ERBB4: variants seen among roughly 807,000 people sequenced by gnomAD.
ERBB4 encodes receptor tyrosine-protein kinase erbB-4.
Under a neutral mutation model 158.0 loss-of-function variants are expected in ERBB4, and 42 were observed. That is an observed-to-expected ratio of 0.27 (90% CI 0.21 to 0.34). The LOEUF is 0.34. Among genes scored for constraint, ERBB4 ranks in the 10% least tolerant of loss-of-function variants. ERBB4 has a pLI of 1.00. For missense variants in ERBB4, 1,333 were observed against 1,624.1 expected (o/e 0.82, Z 3.08); for synonymous variants, 583 against 558.7 (o/e 1.04, Z -0.61).
intron 25 of ERBB4, among the ~76,000 whole-genome samples, chr2:211,416,333 GA>G (rs892771627): frequency 3.3e-5 from 5 of 151,498 alleles, no homozygotes; most frequent in Non-Finnish European, 7.4e-5. Flanking sequence ...AAAAAAGAAA[GA>G]AAAAAAACCT....
At chr2:212,171,360 A>G (rs1453254438) in intron 1 of ERBB4, among the ~76,000 whole-genome samples, 1 of 151,898 alleles carries the variant, frequency 6.6e-6, no homozygotes, top group South Asian at 2.1e-4. Context: ...TTATAGGCAG[A>G]GTACTTGCCT....
intron 2 of ERBB4, among the ~76,000 whole-genome samples, chr2:212,051,949 T>A (rs1319985596): frequency 1.3e-5 from 2 of 152,152 alleles, no homozygotes; most frequent in East Asian, 3.9e-4. Flanking sequence ...ATTTGTGGCC[T>A]CAGTTTTTGT....
intron 3 of ERBB4, among the ~76,000 whole-genome samples, chr2:211,822,945 G>A (rs927360631): frequency 1.3e-4 from 20 of 152,024 alleles, no homozygotes; most frequent in East Asian, 3.9e-4. Flanking sequence ...AATAGGCATC[G>A]TGGATTTCTG....
chr2:211,911,094 C>T (rs1316593556), intron 3 of ERBB4, among the ~76,000 whole-genome samples: 5 of 152,080 alleles, frequency 3.3e-5, no homozygotes, highest in Admixed American at 2.6e-4. Flanking sequence ...AAATGAACTC[C>T]TTTATTTATT....
chr2:211,786,870 G>C (rs990724243), intron 4 of ERBB4, among the ~76,000 whole-genome samples: 6 of 152,124 alleles, frequency 3.9e-5, no homozygotes, highest in East Asian at 1.9e-4. Flanking sequence ...AATGTGAAAA[G>C]ATTCCATTTT....
chr2:212,213,832 C>T (rs1283472881), intron 1 of ERBB4, among the ~76,000 whole-genome samples: 2 of 151,756 alleles, frequency 1.3e-5, no homozygotes, highest in Non-Finnish European at 2.9e-5. Flanking sequence ...TAGGTTGTAG[C>T]TGTATTCTTT....
chr2:212,159,978 C>T (rs942723659), intron 1 of ERBB4, among the ~76,000 whole-genome samples: 1 of 151,974 alleles, frequency 6.6e-6, no homozygotes, highest in African/African-American at 2.4e-5. Context: ...AAAAACTTAA[C>T]TTGGCCTCCT....
chr2:211,785,093 CT>C (rs1553633108), intron 4 of ERBB4, among the ~76,000 whole-genome samples: 3,699 of 132,742 alleles, frequency 0.028, 48 homozygotes, highest in African/African-American at 0.042. Context: ...GATGCACAGC[CT>C]TTTTTTTTTT....
intron 2 of ERBB4, among the ~76,000 whole-genome samples, chr2:212,106,582 G>A (rs1219584200): frequency 6.6e-6 from 1 of 152,206 alleles, no homozygotes. Flanking sequence ...AGAAATCCAA[G>A]CCAGCTGCAA....
In ERBB4 at chr2:211,383,160, A is replaced by G. The variant is rs1269025440; in HGVS notation, c.*455T>C. ...CTTTTGTTCTAATGGAAACTTTATT[A>G]TGATTTCCAGGGATGCTAAATATGC... On this transcript the variant is annotated 3_prime_UTR_variant, in exon 28 of 28. Coordinates refer to ENST00000342788, the MANE Select transcript of ERBB4 (RefSeq NM_005235.3). 8.5e-6 allele frequency: 2 copies of G among 236,026 alleles called. No individual in the cohort carries two copies. Among genetic ancestry groups the G allele is most frequent in the Non-Finnish European group, 1.7e-5 (2 of 120,198 alleles). The allele number at this position is 236,026 out of a possible 1,614,324, so 14.6% of individuals were successfully genotyped here. A position where few individuals can be genotyped will look rare whatever the true frequency, so the allele number is the denominator to read the frequency against.
At chr2:211,597,577 C>T (rs1024980498) in intron 19 of ERBB4, among the ~76,000 whole-genome samples, 1 of 152,032 alleles carries the variant, frequency 6.6e-6, no homozygotes, top group Admixed American at 6.5e-5. Context: ...TCAAAGGAAG[C>T]TTATTATGGA....
intron 18 of ERBB4, among the ~76,000 whole-genome samples, chr2:211,623,019 ATATATATATATATATATAT>A (rs1185986979): frequency 2.1e-5 from 2 of 96,396 alleles, no homozygotes; most frequent in African/African-American, 9.9e-5. Flanking sequence ...ATATATATAT[ATATATATATATATATATAT>A]ATATATAAAA....
chr2:211,725,713 G>A (rs759538292), intron 5 of ERBB4, among the ~76,000 whole-genome samples: 12 of 152,116 alleles, frequency 7.9e-5, no homozygotes, highest in Non-Finnish European at 1.6e-4. Flanking sequence ...TGCATAGTAA[G>A]GTCCTAGTAG....
intron 20 of ERBB4, among the ~76,000 whole-genome samples, chr2:211,551,101 C>T (rs2067083859): frequency 6.6e-6 from 1 of 152,144 alleles, no homozygotes; most frequent in African/African-American, 2.4e-5. Flanking sequence ...ACTGTATCTC[C>T]ATGAAATAAT....
chr2:211,769,719 T>A lies in ERBB4; in HGVS notation c.556+18306A>T, dbSNP rs570653731. Reference sequence around the variant, plus strand: ...AAACCACTGGTGTTAAGTCCAAGAGTCCAAAAGCTGAAGAACTTGGAGTCT... The same window carrying A: ...AAACCACTGGTGTTAAGTCCAAGAGACCAAAAGCTGAAGAACTTGGAGTCT... On this transcript the variant is annotated intron_variant, in intron 4 of 27. Coordinates refer to ENST00000342788, the MANE Select transcript of ERBB4 (RefSeq NM_005235.3). 1.4e-3 allele frequency among the ~76,000 whole-genome samples: 206 copies of A among 151,958 alleles called. 1 individual carries two copies. The highest frequency in any genetic ancestry group is 4.8e-3 in the African/African-American group (200 of 41,444).
At chr2:211,900,911 C>A (rs1426712543) in intron 3 of ERBB4, among the ~76,000 whole-genome samples, 1 of 152,138 alleles carries the variant, frequency 6.6e-6, no homozygotes, top group Non-Finnish European at 1.5e-5. Flanking sequence ...ATCATCTCCT[C>A]TATTTCAATA....
intron 3 of ERBB4, among the ~76,000 whole-genome samples, chr2:211,846,366 G>C (rs1011522821): frequency 2.0e-5 from 3 of 151,868 alleles, no homozygotes; most frequent in African/African-American, 7.3e-5. Context: ...CATTCATCAG[G>C]GTGTTCTGTT....
chr2:211,743,225 T>C (rs998688667), intron 5 of ERBB4, among the ~76,000 whole-genome samples: 1 of 152,182 alleles, frequency 6.6e-6, no homozygotes, highest in Non-Finnish European at 1.5e-5. Context: ...CTAAAGAGTG[T>C]ATTGAGTGGT....
intron 1 of ERBB4, among the ~76,000 whole-genome samples, chr2:212,173,255 C>A (rs1230855960): frequency 6.6e-6 from 1 of 151,662 alleles, no homozygotes; most frequent in Non-Finnish European, 1.5e-5. Context: ...GGATTAATCA[C>A]CAGGACACAA....
Sources: allele counts gnomAD v4.1 joint callset (sites outside exome capture counted in the v4.1 genomes callset), GRCh38; gene constraint gnomAD v4.1.1; transcripts MANE v1.5; gene names NCBI Gene and HGNC (gene_info 2026-07-23, HGNC 2026-07-21).